The following TENM2 variants were observed in gnomAD, a reference collection of about 807,000 sequenced individuals.
TENM2 encodes teneurin transmembrane protein 2.
Under a neutral mutation model 245.2 loss-of-function variants are expected in TENM2, and 52 were observed. The ratio of observed to expected loss-of-function variants is 0.21; its 90% CI spans 0.17 to 0.27. The LOEUF (loss-of-function observed/expected upper bound fraction) is 0.27. Among genes scored for constraint, TENM2 ranks in the 10% least tolerant of loss-of-function variants. The pLI, the probability that TENM2 is intolerant of heterozygous loss-of-function variation, is 1.00. For synonymous variants in TENM2, 1,363 were observed against 1,438.9 expected (o/e 0.95, Z 1.19); for missense variants, 3,046 against 3,666.8 (o/e 0.83, Z 4.37).
intron 2 of TENM2, among the ~76,000 whole-genome samples, chr5:167,595,365 C>T (rs1000254484): frequency 5.3e-5 from 8 of 151,964 alleles, no homozygotes; most frequent in South Asian, 2.1e-4. Context: ...AAGAGGAAAC[C>T]GAGGCCCAGA....
chr5:168,244,357 C>T lies in TENM2; in HGVS notation c.5521-63C>T. ...CTGGCCATGCCAGCCATGTCCTCCA[C>T]AGAAGCCTGAGCCGGCATGCCTGGG... is the stretch of plus-strand genomic sequence containing the variant. On this transcript the variant is annotated intron_variant, in intron 25 of 28. Transcript: ENST00000518659. The surrounding 1 kb of genome is among the most constrained non-coding windows in gnomAD (Gnocchi z 4.9). 7.3e-7 allele frequency: 1 copy of T among 1,360,674 alleles called. No homozygotes were observed. Among genetic ancestry groups the T allele is most frequent in the Non-Finnish European group, 9.8e-7 (1 of 1,024,360 alleles). The allele number at this position is 1,360,674 out of a possible 1,614,324, so 84.3% of individuals were successfully genotyped here.
rs148312370 is a variant in TENM2, at chr5:168,217,045, G to A, written c.4233+123G>A. 428 of 1,111,322 alleles carry A rather than the reference G, an allele frequency of 3.9e-4. 2 individuals are homozygous for A. The African/African-American group carries it at 5.9e-3, about 15-fold the overall frequency. 68.8% of individuals were successfully genotyped at this position (1,111,322 alleles called of 1,614,324 possible). ...GAGAGATACAGATACAGATCACGGG[G>A]TTGTTTGGAGAAAGCCTGAGATGAG... On this transcript the variant is annotated intron_variant, in intron 22 of 28. Coordinates refer to ENST00000518659, the Ensembl canonical transcript of TENM2.
At chr5:167,819,852 G>A (rs919313841) in intron 2 of TENM2, among the ~76,000 whole-genome samples, 4 of 152,182 alleles carry the variant, frequency 2.6e-5, no homozygotes, top group African/African-American at 9.7e-5. Context: ...CTTCAATGGG[G>A]CACCAAGGAG....
At chr5:167,327,398 C>G (rs1276213958) in intron 1 of TENM2, among the ~76,000 whole-genome samples, 2 of 152,156 alleles carry the variant, frequency 1.3e-5, no homozygotes, top group African/African-American at 4.8e-5. Context: ...GGCTCTTGCT[C>G]TTAATGAGTT....
chr5:167,920,837 G>A (rs1026941444), intron 3 of TENM2, among the ~76,000 whole-genome samples: 10 of 152,174 alleles, frequency 6.6e-5, no homozygotes, highest in African/African-American at 1.9e-4. Context: ...AAGGGTGTGA[G>A]TTAGGAGTTG....
At chr5:167,124,124 G>A in the TENM2 span, among the ~76,000 whole-genome samples, 9 of 152,214 alleles carry the variant, frequency 5.9e-5, no homozygotes, top group East Asian at 1.4e-3. Context: ...GTGTGATCTT[G>A]GGGTCTTTAC....
At chr5:167,024,239 A>G in the TENM2 span, among the ~76,000 whole-genome samples, 1 of 152,166 alleles carries the variant, frequency 6.6e-6, no homozygotes, top group East Asian at 1.9e-4. Flanking sequence ...AACATCTCAA[A>G]ATTTTGGTAA....
intron 2 of TENM2, among the ~76,000 whole-genome samples, chr5:167,409,476 T>C (rs1762799754): frequency 6.6e-6 from 1 of 152,012 alleles, no homozygotes; most frequent in South Asian, 2.1e-4. Flanking sequence ...CATCTATTGT[T>C]AAGTTAATAA....
chr5:167,386,001 T>C (rs1761413594), intron 2 of TENM2, among the ~76,000 whole-genome samples: 1 of 152,008 alleles, frequency 6.6e-6, no homozygotes, highest in Admixed American at 6.6e-5. Flanking sequence ...TGTGCAAGTA[T>C]CTTTTTCATA....
chr5:167,078,616 G>A, the TENM2 span, among the ~76,000 whole-genome samples: 1 of 152,154 alleles, frequency 6.6e-6, no homozygotes, highest in Admixed American at 6.5e-5. Context: ...CAACAGTCAT[G>A]TTCCTTAAAG....
chr5:167,649,868 G>A (rs534363780), intron 2 of TENM2, among the ~76,000 whole-genome samples: 3 of 152,210 alleles, frequency 2.0e-5, no homozygotes, highest in African/African-American at 7.2e-5. Flanking sequence ...GTATTTCAAA[G>A]ATAAAATATG....
intron 2 of TENM2, among the ~76,000 whole-genome samples, chr5:167,855,263 G>A (rs1283030035): frequency 6.6e-6 from 1 of 152,006 alleles, no homozygotes; most frequent in Admixed American, 6.6e-5. Flanking sequence ...ACCAGGTCCC[G>A]TTCAAATGTT....
the TENM2 span, among the ~76,000 whole-genome samples, chr5:167,201,320 T>C: frequency 6.6e-6 from 1 of 152,088 alleles, no homozygotes; most frequent in Admixed American, 6.5e-5. Context: ...TTATATTGCC[T>C]TTTAAAGAAG....
the TENM2 span, among the ~76,000 whole-genome samples, chr5:166,996,359 C>T: frequency 5.3e-5 from 8 of 152,018 alleles, no homozygotes; most frequent in African/African-American, 1.7e-4. Context: ...AAAATAAAAC[C>T]AAACAAAACA....
intron 3 of TENM2, among the ~76,000 whole-genome samples, chr5:167,901,844 A>G (rs1775731642): frequency 6.6e-6 from 1 of 152,192 alleles, no homozygotes; most frequent in African/African-American, 2.4e-5. Flanking sequence ...TTATATAAGA[A>G]TTTATTTGCA....
chr5:167,698,380 G>A (rs895152928), intron 2 of TENM2, among the ~76,000 whole-genome samples: 4 of 152,104 alleles, frequency 2.6e-5, no homozygotes, highest in Non-Finnish European at 5.9e-5. Flanking sequence ...GACATTCCCT[G>A]ACCAGACCAT....
intron 2 of TENM2, among the ~76,000 whole-genome samples, chr5:167,539,843 T>C (rs1032859949): frequency 2.0e-5 from 3 of 152,188 alleles, no homozygotes; most frequent in African/African-American, 7.2e-5. Flanking sequence ...GATAATAATA[T>C]GGAAAAGGGG....
intron 5 of TENM2, among the ~76,000 whole-genome samples, chr5:168,004,942 C>A (rs184222917): frequency 1.6e-3 from 243 of 152,042 alleles, no homozygotes; most frequent in African/African-American, 5.5e-3. Flanking sequence ...GACTCTTGTC[C>A]CCATCCCCTC....
At chr5:167,137,630 T>C in the TENM2 span, among the ~76,000 whole-genome samples, 4 of 152,280 alleles carry the variant, frequency 2.6e-5, no homozygotes, top group South Asian at 8.3e-4. Context: ...CCTTAGAATA[T>C]ATCAAGAGTA....
Sources: allele counts gnomAD v4.1 joint callset (sites outside exome capture counted in the v4.1 genomes callset), GRCh38; gene constraint gnomAD v4.1.1; non-coding constraint Gnocchi (gnomAD v3.1); transcripts MANE v1.5; gene names NCBI Gene and HGNC (gene_info 2026-07-23, HGNC 2026-07-21).